SLC4A4: variants seen among roughly 807,000 people sequenced by gnomAD.
The protein encoded by SLC4A4 is solute carrier family 4 member 4.
In SLC4A4, 27 loss-of-function variants were observed where a neutral mutation model predicts 111.5. The observed-to-expected ratio is 0.24, with a 90% CI of 0.18 to 0.33. The LOEUF is 0.33. Ranked by LOEUF, SLC4A4 falls within the 10% of genes least tolerant of loss-of-function variation. The pLI is 1.00. For missense variants in SLC4A4, 909 were observed against 1,315.5 expected (o/e 0.69, Z 4.78); for synonymous variants, 443 against 463.4 (o/e 0.96, Z 0.57).
At chr4:71,400,222 C>T (rs567335756) in intron 7 of SLC4A4, among the ~76,000 whole-genome samples, 2 of 152,270 alleles carry the variant, frequency 1.3e-5, no homozygotes, top group South Asian at 4.1e-4. Flanking sequence ...GATAAATTTA[C>T]TAACTTATTG....
chr4:71,220,096 C>T (rs937574414), intron 1 of SLC4A4, among the ~76,000 whole-genome samples: 3 of 152,164 alleles, frequency 2.0e-5, no homozygotes, highest in African/African-American at 7.2e-5. Flanking sequence ...GGAAAAAGTT[C>T]TACTGTGGGT....
intron 1 of SLC4A4, among the ~76,000 whole-genome samples, chr4:71,090,511 A>G (rs1199487398): frequency 6.6e-6 from 1 of 152,158 alleles, no homozygotes; most frequent in Admixed American, 6.6e-5. Context: ...AGTTTTTATT[A>G]AGAAATAAAA....
intron 1 of SLC4A4, among the ~76,000 whole-genome samples, chr4:71,083,722 G>A (rs1742061220): frequency 6.6e-6 from 1 of 151,786 alleles, no homozygotes; most frequent in Non-Finnish European, 1.5e-5. Flanking sequence ...ATCCATGCTT[G>A]AATTCCAGCT....
chr4:71,226,141 A>AT (rs1183682455), intron 1 of SLC4A4, among the ~76,000 whole-genome samples: 3 of 151,052 alleles, frequency 2.0e-5, no homozygotes, highest in Non-Finnish European at 3.0e-5. Flanking sequence ...GGTATTTATT[A>AT]TTTTTTTTTA....
At chr4:71,203,924 T>C (rs922652813) in intron 1 of SLC4A4, among the ~76,000 whole-genome samples, 2 of 152,200 alleles carry the variant, frequency 1.3e-5, no homozygotes, top group Non-Finnish European at 2.9e-5. Flanking sequence ...ACTCACTGTT[T>C]ATTATGTAAT....
intron 1 of SLC4A4, among the ~76,000 whole-genome samples, chr4:71,077,164 C>CTT: frequency 7.0e-6 from 1 of 142,084 alleles, no homozygotes; most frequent in Admixed American, 7.1e-5. Flanking sequence ...AGAGTATGTA[C>CTT]TTTTTTTTTT....
intron 1 of SLC4A4, among the ~76,000 whole-genome samples, chr4:71,200,666 G>A (rs944867894): frequency 1.3e-5 from 2 of 152,190 alleles, no homozygotes; most frequent in Non-Finnish European, 2.9e-5. Context: ...CATCAGCAAA[G>A]GGGCCTGAGT....
intron 6 of SLC4A4, among the ~76,000 whole-genome samples, chr4:71,376,040 T>C (rs1379539571): frequency 1.3e-5 from 2 of 150,572 alleles, no homozygotes; most frequent in Non-Finnish European, 2.9e-5. Context: ...TACATATATA[T>C]ACATATATAC....
At chr4:71,070,179 GT>G (rs1741629229) in intron 1 of SLC4A4, among the ~76,000 whole-genome samples, 1 of 152,208 alleles carries the variant, frequency 6.6e-6, no homozygotes, top group Admixed American at 6.5e-5. Flanking sequence ...AGTGTAAAGA[GT>G]AACACAGTGG....
At chr4:71,497,064 A>G (rs1392585016) in intron 15 of SLC4A4, among the ~76,000 whole-genome samples, 2 of 152,152 alleles carry the variant, frequency 1.3e-5, no homozygotes, top group African/African-American at 4.8e-5. Flanking sequence ...CTTTTAGAGC[A>G]TTAACCATAG....
At chr4:71,266,109 C>T (rs1237173115) in intron 3 of SLC4A4, among the ~76,000 whole-genome samples, 1 of 152,106 alleles carries the variant, frequency 6.6e-6, no homozygotes, top group African/African-American at 2.4e-5. Context: ...GCGTCCACAC[C>T]AAATCCAAGG....
At chr4:71,310,487 C>G (rs866524414) in intron 3 of SLC4A4, among the ~76,000 whole-genome samples, 2 of 152,184 alleles carry the variant, frequency 1.3e-5, no homozygotes, top group African/African-American at 4.8e-5. Flanking sequence ...AACAGCAGAT[C>G]TCTCTGCAGA....
intron 15 of SLC4A4, among the ~76,000 whole-genome samples, chr4:71,496,165 TGATA>T (rs1730387990): frequency 6.6e-6 from 1 of 152,028 alleles, no homozygotes; most frequent in African/African-American, 2.4e-5. Context: ...ATACTAAGGG[TGATA>T]GATCTGATTA....
intron 16 of SLC4A4, among the ~76,000 whole-genome samples, chr4:71,506,402 C>T (rs1253130526): frequency 6.6e-6 from 1 of 151,934 alleles, no homozygotes; most frequent in Admixed American, 6.6e-5. Context: ...TGAAGAGGTC[C>T]ACTTCCATCA....
intron 3 of SLC4A4, among the ~76,000 whole-genome samples, chr4:71,288,886 A>AT (rs1205800269): frequency 1.3e-5 from 2 of 151,950 alleles, no homozygotes; most frequent in Non-Finnish European, 2.9e-5. Flanking sequence ...CCTAATTCTA[A>AT]TTTTTTCTTT....
chr4:71,336,882 A>G (rs1401387250), intron 3 of SLC4A4, among the ~76,000 whole-genome samples: 2 of 152,224 alleles, frequency 1.3e-5, no homozygotes, highest in African/African-American at 2.4e-5. Flanking sequence ...TACGTTTGAT[A>G]CAAATTTTAC....
intron 16 of SLC4A4, among the ~76,000 whole-genome samples, chr4:71,507,836 A>T (rs1731555385): frequency 6.6e-6 from 1 of 152,188 alleles, no homozygotes. Flanking sequence ...TGATCACATA[A>T]TCGGAAGTTA....
intron 3 of SLC4A4, among the ~76,000 whole-genome samples, chr4:71,328,713 G>C (rs1048530424): frequency 6.6e-6 from 1 of 151,914 alleles, no homozygotes; most frequent in African/African-American, 2.4e-5. Context: ...ATATATTCTG[G>C]TTATTAATTC....
chr4:71,433,028 A>G (rs1237902116), intron 7 of SLC4A4, among the ~76,000 whole-genome samples: 4 of 152,094 alleles, frequency 2.6e-5, no homozygotes, highest in Non-Finnish European at 5.9e-5. Context: ...CCATTCTTCT[A>G]TAATTGTTGA....
Sources: gnomAD v4.1 joint callset for allele counts (sites outside exome capture counted in the v4.1 genomes callset) on GRCh38, gnomAD v4.1.1 for gene constraint, MANE v1.5 for transcripts, NCBI Gene and HGNC (gene_info 2026-07-23, HGNC 2026-07-21) for gene names.